The following TTC23L variants were observed in gnomAD, a reference collection of about 807,000 sequenced individuals.
TTC23L encodes the protein tetratricopeptide repeat domain 23 like.
Under a neutral mutation model 48.1 loss-of-function variants are expected in TTC23L, and 42 were observed. The observed-to-expected ratio is 0.87, with a 90% confidence interval of 0.68 to 1.13. The LOEUF (loss-of-function observed/expected upper bound fraction) is 1.13. Ranked by LOEUF, TTC23L falls within the 50% of genes most tolerant of loss-of-function variation. The pLI is 0.00. For missense variants in TTC23L, 391 were observed against 421.0 expected (o/e 0.93, Z 0.62); for synonymous variants, 159 against 157.2 (o/e 1.01, Z -0.09).
At chr5:34,859,519 G>A (rs1213859105) in intron 4 of TTC23L, among the ~76,000 whole-genome samples, 1 of 152,146 alleles carries the variant, frequency 6.6e-6, no homozygotes, top group African/African-American at 2.4e-5. Flanking sequence ...GCCTTTCAGA[G>A]GTGATTAGGC....
At chr5:34,855,410 T>C (rs1455109478) in intron 4 of TTC23L, among the ~76,000 whole-genome samples, 1 of 152,174 alleles carries the variant, frequency 6.6e-6, no homozygotes, top group African/African-American at 2.4e-5. Context: ...AGGGTTAATC[T>C]AGCAGTGATG....
At chr5:34,840,795 C>T in intron 2 of TTC23L, 56 bp downstream of exon 2, 1 of 1,547,988 alleles carries the variant, frequency 6.5e-7, no homozygotes, top group East Asian at 2.2e-5. Context: ...AACACTGGGA[C>T]CTCCTGCTTA....
At chr5:34,915,786 G>A in the TTC23L span, 3 of 1,596,568 alleles carry the variant, frequency 1.9e-6, no homozygotes, top group African/African-American at 4.0e-5. Context: ...CAGTTCAGGC[G>A]AAGAAGCCAA....
the TTC23L span, chr5:34,923,271 T>A: frequency 9.6e-5 from 135 of 1,407,770 alleles, no homozygotes; most frequent in Non-Finnish European, 1.3e-4. Flanking sequence ...ACCTTTTTTT[T>A]AATTGAGTTT....
rs368660770 is a variant in TTC23L at position 34,863,047 on chromosome 5, C to T, written c.529C>T (p.Gln177Ter). Residue 177 changes from glutamine to a stop codon, truncating the protein, a stop_gained, in exon 5 of 11, where the codon CAG (glutamine) becomes TAG (stop). Transcript: ENST00000505624. LOFTEE classifies it high-confidence loss of function. This position sits in a 1 kb window ranked among gnomAD's most constrained non-coding sequence, Gnocchi z 4.1. ...CACTCTGGGCGTGGCCTGGCTCCTG[C>T]AGAACCGATATCCTTCCATTCCTAG... is the stretch of plus-strand genomic sequence containing the variant. The T allele has an allele frequency of 8.1e-6, 13 of 1,613,784 alleles. No individual in the cohort carries two copies. The highest frequency in any genetic ancestry group is 1.1e-5 in the Non-Finnish European group (13 of 1,179,854).
intron 3 of TTC23L, among the ~76,000 whole-genome samples, chr5:34,849,382 G>T (rs1759480044): frequency 6.6e-6 from 1 of 152,168 alleles, no homozygotes; most frequent in Non-Finnish European, 1.5e-5. Context: ...TATAAAGGCA[G>T]AACAGAGAAT....
chr5:34,861,180 G>A (rs111621170), intron 4 of TTC23L: 24,711 of 152,160 alleles, frequency 0.16, 2,518 homozygotes, highest in African/African-American at 0.29. Flanking sequence ...GTTGGCCAGG[G>A]TAGTCTCAAT....
the TTC23L span, chr5:34,916,252 A>G: frequency 5.7e-6 from 1 of 176,446 alleles, no homozygotes; most frequent in Non-Finnish European, 1.2e-5. Context: ...TTATTTCTCC[A>G]GTGATTAGTA....
At chr5:34,881,623 T>C (rs1206713975) in intron 9 of TTC23L, among the ~76,000 whole-genome samples, 1 of 152,232 alleles carries the variant, frequency 6.6e-6, no homozygotes, top group Admixed American at 6.5e-5. Flanking sequence ...GAACAGTTTT[T>C]TTTATATCAT....
intron 10 of TTC23L, 26 bp downstream of exon 10, chr5:34,896,901 G>T: frequency 1.4e-6 from 1 of 698,782 alleles, no homozygotes; most frequent in Non-Finnish European, 2.7e-6. Context: ...CTGTTGTACA[G>T]GGCAGCATGT....
At chr5:34,880,894 C>T (rs565174825) in intron 9 of TTC23L, among the ~76,000 whole-genome samples, 1 of 152,284 alleles carries the variant, frequency 6.6e-6, no homozygotes, top group East Asian at 1.9e-4. Flanking sequence ...CTGCCTTGGC[C>T]TCCCACAGTG....
At chr5:34,894,765 A>G (rs1446438489) in intron 9 of TTC23L, among the ~76,000 whole-genome samples, 4 of 152,178 alleles carry the variant, frequency 2.6e-5, no homozygotes, top group Non-Finnish European at 5.9e-5. Context: ...AATGGGGATG[A>G]TAATAATATA....
chr5:34,877,535 T>C (rs898844484), intron 8 of TTC23L, among the ~76,000 whole-genome samples: 2 of 152,076 alleles, frequency 1.3e-5, no homozygotes, highest in African/African-American at 2.4e-5. Context: ...GTGATTCTCC[T>C]GCCTCAGCCT....
intron 2 of TTC23L, among the ~76,000 whole-genome samples, chr5:34,842,561 G>C (rs998332931): frequency 6.6e-6 from 1 of 152,126 alleles, no homozygotes; most frequent in Non-Finnish European, 1.5e-5. Context: ...ACAGCCCTCT[G>C]TATTTATTAG....
chr5:34,890,441 C>CAAAAAAAA (rs57798773), intron 9 of TTC23L, among the ~76,000 whole-genome samples: 3 of 56,674 alleles, frequency 5.3e-5, no homozygotes, highest in African/African-American at 1.7e-4. Context: ...GACCCTGTCT[C>CAAAAAAAA]AAAAAAAAAA....
At chr5:34,904,640 C>T in the TTC23L span, among the ~76,000 whole-genome samples, 1 of 151,538 alleles carries the variant, frequency 6.6e-6, no homozygotes, top group African/African-American at 2.4e-5. Context: ...TGTTCAATGA[C>T]GTACTACCTG....
intron 8 of TTC23L, among the ~76,000 whole-genome samples, chr5:34,871,636 G>A (rs149464776): frequency 1.6e-3 from 248 of 152,248 alleles, no homozygotes; most frequent in African/African-American, 5.6e-3. Context: ...CATAGTACTT[G>A]ATTTTAAGAT....
the TTC23L span, among the ~76,000 whole-genome samples, chr5:34,919,278 A>C: frequency 6.8e-6 from 1 of 147,886 alleles, no homozygotes; most frequent in Non-Finnish European, 1.5e-5. Context: ...CTGTCTCAAA[A>C]AAAAAAAAAA....
At chr5:34,918,643 A>G in the TTC23L span, 1 of 495,044 alleles carries the variant, frequency 2.0e-6, no homozygotes, top group East Asian at 3.4e-5. Flanking sequence ...TTCGTAAGAA[A>G]TTCTTTAGAT....
Sources: gnomAD v4.1 joint callset for allele counts (sites outside exome capture counted in the v4.1 genomes callset) on GRCh38, gnomAD v4.1.1 for gene constraint, Gnocchi (gnomAD v3.1) non-coding constraint, MANE v1.5 for transcripts, NCBI Gene and HGNC (gene_info 2026-07-23, HGNC 2026-07-21) for gene names.